The following FAM151B variants were observed in gnomAD, a reference collection of about 807,000 sequenced individuals.
The protein encoded by FAM151B is protein FAM151B.
Under a neutral mutation model 31.2 loss-of-function variants are expected in FAM151B, and 24 were observed. The ratio of observed to expected loss-of-function variants is 0.77; its 90% CI spans 0.56 to 1.08. The LOEUF is 1.08. FAM151B is among the 50% of genes least tolerant of loss of function. The pLI is 0.00. For synonymous variants in FAM151B, 105 were observed against 111.4 expected, an observed-to-expected ratio of 0.94 and a Z score of 0.36; for missense variants, 293 against 328.6, an observed-to-expected ratio of 0.89 and a Z score of 0.84.
chr5:80,521,116 C>T (rs930456033), intron 4 of FAM151B, among the ~76,000 whole-genome samples: 9 of 71,882 alleles, frequency 1.3e-4, no homozygotes, highest in South Asian at 5.3e-4. Flanking sequence ...TGCACCTGGC[C>T]TTTTTTTTTT....
At chr5:80,538,572 C>G (rs529861734) in intron 5 of FAM151B, among the ~76,000 whole-genome samples, 1 of 120,158 alleles carries the variant, frequency 8.3e-6, no homozygotes, top group African/African-American at 3.4e-5. Flanking sequence ...TTCCTTCCTT[C>G]CCTCCCTTCC....
chr5:80,520,902 A>T (rs1315088579), intron 4 of FAM151B, among the ~76,000 whole-genome samples: 1 of 147,408 alleles, frequency 6.8e-6, no homozygotes, highest in African/African-American at 2.5e-5. Flanking sequence ...TCCACCTCCC[A>T]GGTTCCCAGG....
chr5:80,497,252 AC>A (rs1743581015), intron 1 of FAM151B, among the ~76,000 whole-genome samples: 1 of 152,018 alleles, frequency 6.6e-6, no homozygotes, highest in Non-Finnish European at 1.5e-5. Context: ...ATGGTGAAAC[AC>A]CATTTCTACT....
At chr5:80,522,273 A>G (rs1291492623) in intron 5 of FAM151B, 135 bp downstream of exon 5, 1 of 870,034 alleles carries the variant, frequency 1.1e-6, no homozygotes, top group East Asian at 2.6e-5. Flanking sequence ...CTGATGATAT[A>G]AGCGCACAGA....
At position 80,541,705 on chromosome 5, in the gene FAM151B, A is replaced by C; in HGVS notation, c.704A>C (p.Asp235Ala). 1 of 1,613,692 alleles carries C rather than the reference A, an allele frequency of 6.2e-7. No homozygotes were observed. Among genetic ancestry groups the C allele is most frequent in the Non-Finnish European group, 8.5e-7 (1 of 1,179,776 alleles). Residue 235 changes from aspartate (D) to alanine (A), a missense_variant, in exon 6 of 6, where the codon GAT becomes GCT. Transcript: ENST00000282226. Reference sequence around the variant, plus strand: ...CTGACTATTTGGACTGGAAAAAATGATAACTATTCCGTTGAAGATTTACTT... The same window carrying C: ...CTGACTATTTGGACTGGAAAAAATGCTAACTATTCCGTTGAAGATTTACTT... ...YSLTIWTGKN[D>A]NYSVEDLLYI... is the part of the protein sequence containing the mutation.
chr5:80,536,599 G>A (rs1745528131), intron 5 of FAM151B, among the ~76,000 whole-genome samples: 1 of 152,176 alleles, frequency 6.6e-6, no homozygotes, highest in African/African-American at 2.4e-5. Context: ...GTACTTCGAT[G>A]TTTGTTGCAG....
intron 1 of FAM151B, among the ~76,000 whole-genome samples, chr5:80,490,115 C>T (rs1316478425): frequency 6.6e-6 from 1 of 151,666 alleles, no homozygotes; most frequent in East Asian, 1.9e-4. Context: ...CCGTCCTGGC[C>T]GGGCGTGGTG....
In FAM151B at chr5:80,508,950, G is replaced by A. The variant is rs374862520; in HGVS notation, c.152-4654G>A. Among the ~76,000 whole-genome samples the A allele has an allele frequency of 1.2e-4, 18 of 152,090 alleles. 1 individual carries two copies. Among genetic ancestry groups the A allele is most frequent in the African/African-American group, 3.9e-4 (16 of 41,502 alleles). ...GTTTTACTGGTGCTATGGTTTGAAT[G>A]TTTGTTCCATCCAAAACTCATGTTG... On this transcript the variant is annotated intron_variant, in intron 2 of 5. Transcript: ENST00000282226.
At chr5:80,496,446 C>T (rs1466695694) in intron 1 of FAM151B, among the ~76,000 whole-genome samples, 1 of 152,164 alleles carries the variant, frequency 6.6e-6, no homozygotes, top group African/African-American at 2.4e-5. Flanking sequence ...ACAGTGTAAA[C>T]ATAACTTTTA....
At position 80,541,702 on chromosome 5, in the gene FAM151B, A is replaced by G. The variant is rs768325355; in HGVS notation, c.701A>G (p.Asn234Ser). ...RYSLTIWTGKNDNYSVEDLLY... is the reference protein window; with the variant it reads ...RYSLTIWTGKSDNYSVEDLLY... ...AGCCTGACTATTTGGACTGGAAAAA[A>G]TGATAACTATTCCGTTGAAGATTTA... Residue 234 changes from asparagine (N) to serine (S), a missense_variant, in exon 6 of 6, where the codon AAT becomes AGT. Transcript: ENST00000282226. The G allele has an allele frequency of 2.9e-5, 46 of 1,613,548 alleles. No homozygotes were observed. In the African/African-American group the frequency reaches 6.0e-4, roughly 21 times the overall value.
intron 3 of FAM151B, among the ~76,000 whole-genome samples, chr5:80,517,711 C>T (rs552666443): frequency 6.6e-6 from 1 of 152,290 alleles, no homozygotes; most frequent in African/African-American, 2.4e-5. Context: ...CTGCACAGTG[C>T]TTCGCATGTA....
At chr5:80,498,992 C>A in intron 1 of FAM151B, 1 of 194,724 alleles carries the variant, frequency 5.1e-6, no homozygotes, top group East Asian at 1.2e-4. Context: ...TTGGTGGCAG[C>A]TCCACCACAG....
At chr5:80,500,321 C>T (rs977318817) in intron 1 of FAM151B, 11 of 821,090 alleles carry the variant, frequency 1.3e-5, no homozygotes, top group Non-Finnish European at 2.3e-5. Context: ...GCCTCTTTTT[C>T]CGGCTGGAAC....
At chr5:80,514,153 C>G (rs1461068053) in intron 3 of FAM151B, among the ~76,000 whole-genome samples, 1 of 152,078 alleles carries the variant, frequency 6.6e-6, no homozygotes, top group Non-Finnish European at 1.5e-5. Context: ...TTAGAATTCT[C>G]CAATAACCAA....
At chr5:80,507,271 T>C (rs1744004544) in intron 2 of FAM151B, among the ~76,000 whole-genome samples, 1 of 152,186 alleles carries the variant, frequency 6.6e-6, no homozygotes, top group Admixed American at 6.5e-5. Flanking sequence ...AGTTAGCAGG[T>C]AGCAGGCACA....
At chr5:80,537,699 A>G (rs990199434) in intron 5 of FAM151B, among the ~76,000 whole-genome samples, 2 of 152,030 alleles carry the variant, frequency 1.3e-5, no homozygotes, top group African/African-American at 4.8e-5. Flanking sequence ...TGTAGATCTT[A>G]TTTTGTACAA....
intron 1 of FAM151B, among the ~76,000 whole-genome samples, chr5:80,494,299 C>G (rs1256740019): frequency 6.6e-6 from 1 of 152,140 alleles, no homozygotes; most frequent in Non-Finnish European, 1.5e-5. Context: ...AGGGAAAAGG[C>G]TGTTTCTACA....
intron 2 of FAM151B, among the ~76,000 whole-genome samples, chr5:80,504,130 C>T (rs1362292575): frequency 6.6e-6 from 1 of 152,148 alleles, no homozygotes; most frequent in Non-Finnish European, 1.5e-5. Flanking sequence ...AAATGAGATT[C>T]TTGACTATAT....
chr5:80,538,130 C>T (rs546597589), intron 5 of FAM151B, among the ~76,000 whole-genome samples: 25 of 150,978 alleles, frequency 1.7e-4, no homozygotes, highest in Middle Eastern at 6.8e-3. Flanking sequence ...TTCAGTGGCG[C>T]GATTTCGGGT....
Sources: gnomAD v4.1 joint callset for allele counts (sites outside exome capture counted in the v4.1 genomes callset) on GRCh38, gnomAD v4.1.1 for gene constraint, MANE v1.5 for transcripts, NCBI Gene and HGNC (gene_info 2026-07-23, HGNC 2026-07-21) for gene names.